UGT1A8: variants seen among roughly 807,000 people sequenced by gnomAD.
UGT1A8 encodes the protein UDP glucuronosyltransferase family 1 member A8.
A neutral mutation model predicts 45.3 loss-of-function variants in UGT1A8; 39 were observed. That is an observed-to-expected ratio of 0.86 (90% CI 0.67 to 1.12). The LOEUF is 1.12. Ranked by LOEUF, UGT1A8 falls within the 50% of genes most tolerant of loss-of-function variation. The probability of loss-of-function intolerance (pLI) is 0.00; values close to 1 mark genes in which losing one functional copy is unlikely to be tolerated. For synonymous variants in UGT1A8, 275 were observed against 249.2 expected (o/e 1.10, Z -0.97); for missense variants, 719 against 664.9 (o/e 1.08, Z -0.90).
At chr2:233,620,884 G>A (rs1314372277) in intron 1 of UGT1A8, among the ~76,000 whole-genome samples, 6 of 152,168 alleles carry the variant, frequency 3.9e-5, no homozygotes, top group Admixed American at 3.9e-4. Flanking sequence ...ACATCTTGCT[G>A]GGAAACAAGA....
intron 3 of UGT1A8, 24 bp downstream of exon 3, chr2:233,767,960 T>G (rs769330196): frequency 1.2e-6 from 2 of 1,614,082 alleles, no homozygotes; most frequent in Admixed American, 3.3e-5. Context: ...ATTGGATGTA[T>G]AGGTCAAACC....
At chr2:233,760,944 G>C (rs1697622087) in intron 1 of UGT1A8, 18 of 1,614,082 alleles carry the variant, frequency 1.1e-5, no homozygotes, top group Non-Finnish European at 1.5e-5. Flanking sequence ...CCTTTTCACA[G>C]AACTTTCTGT....
In UGT1A8 at chr2:233,713,249, G is replaced by T; in HGVS notation, c.856-53785G>T. 6.2e-7 allele frequency: 1 copy of T among 1,614,250 alleles called. No individual in the cohort carries two copies. The highest frequency in any genetic ancestry group is 1.7e-5 in the Admixed American group (1 of 60,032). ...CAACGTATGCCATTTCATGGACCCA[G>T]GACGAATTTGATCGCCTTTTGCTGG... On this transcript the variant is annotated intron_variant, in intron 1 of 4. Coordinates refer to ENST00000373450, the MANE Select transcript of UGT1A8 (RefSeq NM_019076.5).
chr2:233,727,313 C>G (rs2077603971), intron 1 of UGT1A8, among the ~76,000 whole-genome samples: 1 of 152,152 alleles, frequency 6.6e-6, no homozygotes, highest in African/African-American at 2.4e-5. Context: ...CCTTCTGTTT[C>G]CCAGGCACCA....
At chr2:233,692,744 G>A (rs1410250245) in intron 1 of UGT1A8, 4 of 1,060,368 alleles carry the variant, frequency 3.8e-6, no homozygotes, top group African/African-American at 1.6e-5. Flanking sequence ...AGAGGGAGAA[G>A]CAGACTTGTG....
intron 1 of UGT1A8, chr2:233,671,716 C>T: frequency 2.0e-6 from 2 of 1,023,970 alleles, no homozygotes; most frequent in East Asian, 5.6e-5. Flanking sequence ...AGACCATAAG[C>T]TACTGTTGTC....
At chr2:233,738,538 T>C (rs1559382457) in intron 1 of UGT1A8, among the ~76,000 whole-genome samples, 1 of 152,194 alleles carries the variant, frequency 6.6e-6, no homozygotes, top group Non-Finnish European at 1.5e-5. Context: ...AAGTCCAGGC[T>C]GAGTCTCAGA....
Position 233,690,582 on chromosome 2 carries a change from C to T in UGT1A8, c.855+72020C>T, listed in dbSNP as rs373003264. The T allele has an allele frequency of 2.3e-6, 3 of 1,283,748 alleles. No individual in the cohort carries two copies. The African/African-American group carries it at 4.6e-5, about 20-fold the overall frequency. The allele number at this position is 1,283,748 out of a possible 1,614,324, so 79.5% of individuals were successfully genotyped here. Reference sequence around the variant, plus strand: ...CCTGAGTCATTCAGCCTGCAGCAATCCCTGAGAAAAAAAAAAAATCGGCCT... The same window carrying T: ...CCTGAGTCATTCAGCCTGCAGCAATTCCTGAGAAAAAAAAAAAATCGGCCT... On this transcript the variant is annotated intron_variant, in intron 1 of 4. Transcript: ENST00000373450.
chr2:233,638,059 A>G (rs1343460501), intron 1 of UGT1A8, among the ~76,000 whole-genome samples: 1 of 152,066 alleles, frequency 6.6e-6, no homozygotes, highest in Non-Finnish European at 1.5e-5. Context: ...ATATATTTCT[A>G]TATTCTTGCT....
chr2:233,724,847 C>T (rs1352664169), intron 1 of UGT1A8, among the ~76,000 whole-genome samples: 1 of 131,490 alleles, frequency 7.6e-6, no homozygotes, highest in Non-Finnish European at 1.6e-5. Flanking sequence ...CCAAGGCAGG[C>T]GGCTGGGAGG....
intron 1 of UGT1A8, among the ~76,000 whole-genome samples, chr2:233,650,263 C>A (rs1241152116): frequency 6.6e-6 from 1 of 152,178 alleles, no homozygotes; most frequent in Non-Finnish European, 1.5e-5. Context: ...AGCCACCGTA[C>A]CTGGCCAAGG....
chr2:233,740,052 T>C (rs368597738), intron 1 of UGT1A8, among the ~76,000 whole-genome samples: 5 of 151,870 alleles, frequency 3.3e-5, no homozygotes, highest in African/African-American at 1.2e-4. Context: ...CTTTCTCCTT[T>C]ACTCACAAGC....
At chr2:233,724,348 C>T (rs1263010840) in intron 1 of UGT1A8, among the ~76,000 whole-genome samples, 5 of 144,562 alleles carry the variant, frequency 3.5e-5, no homozygotes, top group Non-Finnish European at 7.6e-5. Flanking sequence ...TGACCCCCCC[C>T]ACCTCCCTCC....
At chr2:233,755,448 G>A in intron 1 of UGT1A8, 1 of 310,232 alleles carries the variant, frequency 3.2e-6, no homozygotes, top group Non-Finnish European at 6.3e-6. Context: ...CAGTGCTCCT[G>A]GGACTGGCCC....
At chr2:233,753,211 T>A (rs964244574) in intron 1 of UGT1A8, 3 of 152,210 alleles carry the variant, frequency 2.0e-5, no homozygotes, top group African/African-American at 4.8e-5. Flanking sequence ...CAGTCTGTCT[T>A]ATTTTGATAC....
intron 1 of UGT1A8, among the ~76,000 whole-genome samples, chr2:233,688,900 G>C (rs970551522): frequency 4.6e-5 from 7 of 152,256 alleles, no homozygotes; most frequent in African/African-American, 1.2e-4. Context: ...GGAGAAGTTG[G>C]GGGGATGGTG....
chr2:233,768,652 T>C (rs1699688984), intron 4 of UGT1A8, among the ~76,000 whole-genome samples: 1 of 146,762 alleles, frequency 6.8e-6, no homozygotes, highest in Non-Finnish European at 1.5e-5. Flanking sequence ...AGTGGTGCAA[T>C]CTTGGCTTAC....
intron 1 of UGT1A8, chr2:233,743,783 C>T (rs781656153): frequency 2.2e-6 from 3 of 1,367,380 alleles, no homozygotes; most frequent in Non-Finnish European, 2.9e-6. Context: ...CTGCTTGAAT[C>T]TCCTCTCCGC....
intron 1 of UGT1A8, among the ~76,000 whole-genome samples, chr2:233,731,288 T>C (rs1332920122): frequency 3.9e-5 from 6 of 151,912 alleles, no homozygotes; most frequent in Non-Finnish European, 5.9e-5. Context: ...TTCTTTCTTT[T>C]TTTTTTTTTT....
Sources: gnomAD v4.1 joint callset for allele counts (sites outside exome capture counted in the v4.1 genomes callset) on GRCh38, gnomAD v4.1.1 for gene constraint, MANE v1.5 for transcripts, NCBI Gene and HGNC (gene_info 2026-07-23, HGNC 2026-07-21) for gene names.